The following LPP variants were observed in gnomAD, a reference collection of about 807,000 sequenced individuals.
LPP encodes LIM domain containing preferred translocation partner in lipoma.
In LPP, 38 loss-of-function variants were observed where a neutral mutation model predicts 60.4. The ratio of observed to expected loss-of-function variants is 0.63; its 90% CI spans 0.49 to 0.83. The LOEUF is 0.83. Among genes scored for constraint, LPP ranks in the 40% least tolerant of loss-of-function variants. The pLI is 0.00. For synonymous variants in LPP, 328 were observed against 290.8 expected, an observed-to-expected ratio of 1.13 and a Z score of -1.30; for missense variants, 902 against 783.6, an observed-to-expected ratio of 1.15 and a Z score of -1.80.
chr3:188,351,308 CT>C (rs1765761879), intron 3 of LPP, among the ~76,000 whole-genome samples: 1 of 152,186 alleles, frequency 6.6e-6, no homozygotes, highest in African/African-American at 2.4e-5. Context: ...TAAAACCTAT[CT>C]AGTCCAGCTC....
intron 1 of LPP, among the ~76,000 whole-genome samples, chr3:188,177,413 A>T (rs1367798498): frequency 2.0e-5 from 3 of 152,148 alleles, no homozygotes; most frequent in Admixed American, 2.0e-4. Flanking sequence ...TGCTCCCTGG[A>T]CCAGCATAGG....
chr3:188,622,710 A>G (rs1027710693), intron 7 of LPP, among the ~76,000 whole-genome samples: 8 of 152,084 alleles, frequency 5.3e-5, no homozygotes, highest in African/African-American at 1.9e-4. Flanking sequence ...GATGTTTCTC[A>G]TTATTGTGAA....
chr3:188,759,838 G>A (rs962478605), intron 8 of LPP, among the ~76,000 whole-genome samples: 7 of 152,088 alleles, frequency 4.6e-5, no homozygotes, highest in African/African-American at 2.4e-5. Flanking sequence ...GCCAGCGACC[G>A]GGTTCTACTG....
At chr3:188,435,711 A>G (rs187058942) in intron 4 of LPP, among the ~76,000 whole-genome samples, 131 of 152,252 alleles carry the variant, frequency 8.6e-4, no homozygotes, top group African/African-American at 3.0e-3. Context: ...CTGTGATGTC[A>G]CTTTCTGAAT....
chr3:188,577,599 T>C (rs1215305572), intron 6 of LPP, among the ~76,000 whole-genome samples: 1 of 151,536 alleles, frequency 6.6e-6, no homozygotes, highest in East Asian at 1.9e-4. Context: ...TATAAGTATA[T>C]GTATGTATAT....
At chr3:188,781,916 AC>A (rs748550337) in intron 9 of LPP, among the ~76,000 whole-genome samples, 1 of 145,496 alleles carries the variant, frequency 6.9e-6, no homozygotes, top group African/African-American at 2.5e-5. Context: ...AAAATCTATC[AC>A]CCCCCTTGAT....
chr3:188,710,051 C>T lies in LPP; in HGVS notation c.1240+1658C>T, dbSNP rs1217539395. ...GCTTTAAGGACAAATAGAGAAACGA[C>T]ATTTGGGGAACAGTATTAGTAAAGG... On this transcript the variant is annotated intron_variant, in intron 8 of 11. Coordinates refer to ENST00000617246, the MANE Select transcript of LPP (RefSeq NM_001375462.1). The T allele has an allele frequency of 2.6e-5, 4 of 152,134 alleles. No homozygotes were observed. The East Asian group carries it at 7.7e-4, about 29-fold the overall frequency. 9.4% of individuals were successfully genotyped at this position (152,134 alleles called of 1,614,324 possible).
intron 6 of LPP, among the ~76,000 whole-genome samples, chr3:188,583,055 C>A (rs1267570162): frequency 2.0e-5 from 3 of 152,138 alleles, no homozygotes; most frequent in African/African-American, 7.2e-5. Flanking sequence ...ACTTTCCTGT[C>A]TAATATGTTA....
intron 6 of LPP, among the ~76,000 whole-genome samples, chr3:188,561,153 G>C (rs1830583222): frequency 6.6e-6 from 1 of 152,042 alleles, no homozygotes; most frequent in Non-Finnish European, 1.5e-5. Context: ...AAGCCTGTAG[G>C]ATCTACATTC....
At chr3:188,529,929 A>G (rs868792812) in intron 6 of LPP, among the ~76,000 whole-genome samples, 4 of 152,242 alleles carry the variant, frequency 2.6e-5, no homozygotes, top group Non-Finnish European at 4.4e-5. Flanking sequence ...GAGATAAAAT[A>G]CAGGAATACC....
At position 188,616,757 on chromosome 3, in the gene LPP, G is replaced by T. The variant is rs115943041; in HGVS notation, c.1113+6913G>T. ...GAAGATGGCCTATCTCTTAATTTAT[G>T]TATGTCTTCTCTAATTTCTCTCATC... On this transcript the variant is annotated intron_variant, in intron 7 of 11. Coordinates refer to ENST00000617246, the MANE Select transcript of LPP (RefSeq NM_001375462.1). 7.4e-3 allele frequency among the ~76,000 whole-genome samples: 1,127 copies of T among 152,152 alleles called. 12 individuals carry two copies. Among genetic ancestry groups the T allele is most frequent in the African/African-American group, 0.025 (1,057 of 41,538 alleles).
intron 8 of LPP, among the ~76,000 whole-genome samples, chr3:188,753,667 G>C (rs184654771): frequency 6.6e-6 from 1 of 151,140 alleles, no homozygotes; most frequent in Admixed American, 6.6e-5. Context: ...TTTGGACTAA[G>C]ATGTTAAAAT....
chr3:188,878,491 A>G lies in LPP; in HGVS notation c.*4012A>G, dbSNP rs1418794156. On this transcript the variant is annotated 3_prime_UTR_variant, in exon 12 of 12. Transcript: ENST00000617246. Reference sequence around the variant, plus strand: ...ATAGTACATGTGTGTTATGAATGAAATATGACAGCATGTTCCATACCCCTG... The same window carrying G: ...ATAGTACATGTGTGTTATGAATGAAGTATGACAGCATGTTCCATACCCCTG... 1 of 215,660 alleles carries G rather than the reference A, an allele frequency of 4.6e-6. No individual in the cohort carries two copies. The highest frequency in any genetic ancestry group is 2.3e-5 in the African/African-American group (1 of 44,418). The allele number at this position is 215,660 out of a possible 1,614,324, so 13.4% of individuals were successfully genotyped here. A position where few individuals can be genotyped will look rare whatever the true frequency, so the allele number is the denominator to read the frequency against.
intron 6 of LPP, among the ~76,000 whole-genome samples, chr3:188,553,264 A>G (rs999046754): frequency 3.9e-5 from 6 of 151,964 alleles, no homozygotes; most frequent in African/African-American, 1.5e-4. Context: ...GTGTTTTTCT[A>G]CCCTTTCCTC....
intron 9 of LPP, among the ~76,000 whole-genome samples, chr3:188,817,467 A>G (rs1253807382): frequency 6.6e-6 from 1 of 152,228 alleles, no homozygotes; most frequent in African/African-American, 2.4e-5. Context: ...TGTATTATAG[A>G]GATACACAAA....
chr3:188,385,261 T>C (rs1777972361), intron 3 of LPP, among the ~76,000 whole-genome samples: 1 of 152,196 alleles, frequency 6.6e-6, no homozygotes, highest in Non-Finnish European at 1.5e-5. Context: ...GAGATATTTA[T>C]GAACTTTACA....
intron 3 of LPP, among the ~76,000 whole-genome samples, chr3:188,375,685 T>C (rs1392547182): frequency 3.9e-5 from 6 of 152,082 alleles, no homozygotes; most frequent in African/African-American, 1.4e-4. Context: ...TTTTGAAGGG[T>C]TTTTTTGTGT....
At chr3:188,617,738 A>C (rs1237679873) in intron 7 of LPP, among the ~76,000 whole-genome samples, 1 of 152,208 alleles carries the variant, frequency 6.6e-6, no homozygotes, top group Non-Finnish European at 1.5e-5. Flanking sequence ...CAGGTCTCAA[A>C]TCCCTTTGGA....
intron 7 of LPP, among the ~76,000 whole-genome samples, chr3:188,644,761 T>C (rs1199121574): frequency 1.3e-5 from 2 of 152,210 alleles, no homozygotes; most frequent in Non-Finnish European, 2.9e-5. Flanking sequence ...AACTACTACA[T>C]AGATTTATTA....
Sources: allele counts gnomAD v4.1 joint callset (sites outside exome capture counted in the v4.1 genomes callset), GRCh38; gene constraint gnomAD v4.1.1; transcripts MANE v1.5; gene names NCBI Gene and HGNC (gene_info 2026-07-23, HGNC 2026-07-21).